Variants in CAMK4 observed in about 807,000 individuals in gnomAD.
CAMK4 encodes calcium/calmodulin-dependent protein kinase type IV.
Under a neutral mutation model 44.9 loss-of-function variants are expected in CAMK4, and 22 were observed. The ratio of observed to expected loss-of-function variants is 0.49; its 90% CI spans 0.35 to 0.70. The LOEUF is 0.70. CAMK4 is among the 30% of genes least tolerant of loss of function. The probability of loss-of-function intolerance (pLI) is 0.01; values close to 1 mark genes in which losing one functional copy is unlikely to be tolerated. For synonymous variants in CAMK4, 218 were observed against 215.4 expected (o/e 1.01, Z -0.11); for missense variants, 498 against 586.8 (o/e 0.85, Z 1.56).
intron 1 of CAMK4, among the ~76,000 whole-genome samples, chr5:111,287,732 T>G (rs1466406453): frequency 6.6e-6 from 1 of 152,196 alleles, no homozygotes; most frequent in African/African-American, 2.4e-5. Flanking sequence ...TTAGAGATGA[T>G]CAAGTGTTTA....
intron 4 of CAMK4, among the ~76,000 whole-genome samples, chr5:111,382,354 G>T (rs1236902064): frequency 6.6e-6 from 1 of 152,124 alleles, no homozygotes; most frequent in African/African-American, 2.4e-5. Flanking sequence ...TTGAGAAATG[G>T]AACTGAGGCT....
intron 1 of CAMK4, among the ~76,000 whole-genome samples, chr5:111,241,496 T>G (rs1258790551): frequency 6.6e-6 from 1 of 152,140 alleles, no homozygotes; most frequent in African/African-American, 2.4e-5. Context: ...TCTGTCACTT[T>G]CCAGGTTTCT....
chr5:111,334,265 C>G (rs1749300261), intron 1 of CAMK4, among the ~76,000 whole-genome samples: 1 of 151,542 alleles, frequency 6.6e-6, no homozygotes, highest in Admixed American at 6.6e-5. Flanking sequence ...CTGAAAATGT[C>G]AAATCACTAA....
chr5:111,482,636 G>A lies in CAMK4; in HGVS notation c.829-149G>A, dbSNP rs1270727154. On this transcript the variant is annotated intron_variant, in intron 9 of 10. Transcript: ENST00000282356. This position sits in a 1 kb window ranked among gnomAD's most constrained non-coding sequence, Gnocchi z 4.9. ...CTACCTGAAGCTGTGCCTACCTACAGTGGCCCCTGAGGACTTAAACAATTT... is the reference window on the plus strand; with the variant it reads ...CTACCTGAAGCTGTGCCTACCTACAATGGCCCCTGAGGACTTAAACAATTT... 1.1e-5 allele frequency: 6 copies of A among 551,692 alleles called. No homozygotes were observed. Among genetic ancestry groups the A allele is most frequent in the East Asian group, 6.3e-5 (2 of 31,716 alleles). 34.2% of individuals were successfully genotyped at this position (551,692 alleles called of 1,614,324 possible). A position where few individuals can be genotyped will look rare whatever the true frequency, so the allele number is the denominator to read the frequency against.
intron 1 of CAMK4, among the ~76,000 whole-genome samples, chr5:111,288,599 A>AT (rs1751326489): frequency 6.6e-6 from 1 of 152,026 alleles, no homozygotes; most frequent in South Asian, 2.1e-4. Flanking sequence ...ACATTTGCCT[A>AT]TTTTTCTATT....
At chr5:111,299,078 A>G (rs1580548955) in intron 1 of CAMK4, among the ~76,000 whole-genome samples, 1 of 152,242 alleles carries the variant, frequency 6.6e-6, no homozygotes, top group East Asian at 1.9e-4. Context: ...GCTCTGCCCT[A>G]TAGGCACATG....
At chr5:111,281,109 A>G (rs377135858) in intron 1 of CAMK4, among the ~76,000 whole-genome samples, 4 of 152,348 alleles carry the variant, frequency 2.6e-5, no homozygotes, top group African/African-American at 7.2e-5. Context: ...TTTCTATAAC[A>G]GTATTCTACA....
chr5:111,448,318 G>C lies in CAMK4; in HGVS notation c.551-811G>C, dbSNP rs1351404273. Among the ~76,000 whole-genome samples, 3 of 152,154 alleles carry C rather than the reference G, an allele frequency of 2.0e-5. No individual in the cohort carries two copies. The East Asian group carries it at 5.8e-4, about 29-fold the overall frequency. ...CATTGGAGACTGAATGTATTTTCAAGCTGAACAAACCTTTTGATGTTTCTG... is the reference window on the plus strand; with the variant it reads ...CATTGGAGACTGAATGTATTTTCAACCTGAACAAACCTTTTGATGTTTCTG... On this transcript the variant is annotated intron_variant, in intron 6 of 10. Coordinates refer to ENST00000282356, the MANE Select transcript of CAMK4 (RefSeq NM_001744.6).
At chr5:111,444,830 T>A (rs1196529262) in intron 5 of CAMK4, among the ~76,000 whole-genome samples, 2 of 152,134 alleles carry the variant, frequency 1.3e-5, no homozygotes, top group Non-Finnish European at 2.9e-5. Flanking sequence ...GAACAGGAAA[T>A]TCATGGAAGA....
In CAMK4 at chr5:111,394,693, CT is replaced by C; in HGVS notation, c.387-14del. 1.3e-6 allele frequency: 2 copies of C among 1,588,394 alleles called. No homozygotes were observed. The highest frequency in any genetic ancestry group is 1.7e-6 in the Non-Finnish European group (2 of 1,160,084). On this transcript the variant is annotated splice_polypyrimidine_tract_variant and intron_variant, in intron 4 of 10. Coordinates refer to ENST00000282356, the MANE Select transcript of CAMK4 (RefSeq NM_001744.6). Reference sequence around the variant, plus strand: ...AATGAATGTGCCTGAGAAGCATTTCCTTTCTTTTTGTTCCAGGATTGTGGAA... The same window carrying C: ...AATGAATGTGCCTGAGAAGCATTTCCTTCTTTTTGTTCCAGGATTGTGGAA...
chr5:111,374,703 G>GA, intron 2 of CAMK4, 147 bp from the exon 3 acceptor site: 1 of 613,286 alleles, frequency 1.6e-6, no homozygotes, highest in Non-Finnish European at 2.9e-6. Context: ...AGCTGAAAAA[G>GA]AAAGAGAGGA....
chr5:111,248,484 T>G (rs571376172), intron 1 of CAMK4, among the ~76,000 whole-genome samples: 1 of 150,086 alleles, frequency 6.7e-6, no homozygotes, highest in Admixed American at 6.7e-5. Flanking sequence ...TTGTGTCACT[T>G]AAGAAATTAT....
intron 1 of CAMK4, among the ~76,000 whole-genome samples, chr5:111,281,281 C>T (rs1360579472): frequency 6.6e-6 from 1 of 152,184 alleles, no homozygotes; most frequent in African/African-American, 2.4e-5. Context: ...ATCCTAAAGC[C>T]TGCTACTGTA....
At position 111,482,653 on chromosome 5, in the gene CAMK4, A is replaced by C; in HGVS notation, c.829-132A>C. On this transcript the variant is annotated intron_variant, in intron 9 of 10. Transcript: ENST00000282356. This position sits in a 1 kb window ranked among gnomAD's most constrained non-coding sequence, Gnocchi z 4.9. ...TACCTACAGTGGCCCCTGAGGACTT[A>C]AACAATTTTTTTCTCACATATATTT... is the stretch of plus-strand genomic sequence containing the variant. The C allele has an allele frequency of 1.4e-6, 1 of 695,028 alleles. No individual in the cohort carries two copies. Among genetic ancestry groups the C allele is most frequent in the East Asian group, 2.9e-5 (1 of 35,056 alleles). The allele number at this position is 695,028 out of a possible 1,614,324, so 43.1% of individuals were successfully genotyped here.
chr5:111,270,841 C>G (rs1408144943), intron 1 of CAMK4, among the ~76,000 whole-genome samples: 1 of 152,210 alleles, frequency 6.6e-6, no homozygotes, highest in African/African-American at 2.4e-5. Context: ...AGACCATTCT[C>G]ACACTGCTAT....
chr5:111,401,263 C>G (rs1267104029), intron 5 of CAMK4, among the ~76,000 whole-genome samples: 2 of 152,200 alleles, frequency 1.3e-5, no homozygotes, highest in Non-Finnish European at 1.5e-5. Flanking sequence ...CTCAGCCTCC[C>G]AAGTAGCCGG....
At chr5:111,226,903 C>T (rs1227420984) in intron 1 of CAMK4, among the ~76,000 whole-genome samples, 1 of 152,196 alleles carries the variant, frequency 6.6e-6, no homozygotes, top group African/African-American at 2.4e-5. Flanking sequence ...TTAAGCCCAT[C>T]CTATTGGAGA....
At chr5:111,320,906 A>T (rs964756468) in intron 1 of CAMK4, among the ~76,000 whole-genome samples, 3 of 152,200 alleles carry the variant, frequency 2.0e-5, no homozygotes, top group African/African-American at 7.2e-5. Context: ...GGGCTGTCAC[A>T]GTTAAATTGG....
At chr5:111,382,109 T>G (rs1751438588) in intron 4 of CAMK4, among the ~76,000 whole-genome samples, 1 of 152,170 alleles carries the variant, frequency 6.6e-6, no homozygotes, top group South Asian at 2.1e-4. Flanking sequence ...ATTGGTCCTG[T>G]GCAAACCTAT....
Sources: gnomAD v4.1 joint callset for allele counts (sites outside exome capture counted in the v4.1 genomes callset) on GRCh38, gnomAD v4.1.1 for gene constraint, Gnocchi (gnomAD v3.1) non-coding constraint, MANE v1.5 for transcripts, NCBI Gene and HGNC (gene_info 2026-07-23, HGNC 2026-07-21) for gene names.